RANBP9: variants seen among roughly 807,000 people sequenced by gnomAD.
The protein encoded by RANBP9 is ran-binding protein 9.
In RANBP9, 15 loss-of-function variants were observed where a neutral mutation model predicts 84.3. The observed-to-expected ratio is 0.18, with a 90% confidence interval of 0.12 to 0.27. The LOEUF (loss-of-function observed/expected upper bound fraction) is 0.27, where lower values mean the gene tolerates loss of function less well. RANBP9 is among the 10% of genes least tolerant of loss of function. The probability of loss-of-function intolerance (pLI) is 1.00; values close to 1 mark genes in which losing one functional copy is unlikely to be tolerated. For missense variants in RANBP9, 809 were observed against 912.8 expected, an observed-to-expected ratio of 0.89 and a Z score of 1.46; for synonymous variants, 392 against 349.6, an observed-to-expected ratio of 1.12 and a Z score of -1.35.
rs899344109 is a variant in RANBP9 at position 13,711,788 on chromosome 6, G to A, written c.-283C>T. Among the ~76,000 whole-genome samples, 3 of 146,820 alleles carry A rather than the reference G, an allele frequency of 2.0e-5. No individual in the cohort carries two copies. Among genetic ancestry groups the A allele is most frequent in the African/African-American group, 4.9e-5 (2 of 40,822 alleles). On this transcript the variant is annotated 5_prime_UTR_variant, in exon 1 of 14. Transcript: ENST00000011619. ...CGGGGGCGACGCGGGAGCGCGGGAG[G>A]GGAAGGCGCGCTGGCGGCCGCCGCG...
chr6:13,688,981 A>AC (rs1766261197), intron 2 of RANBP9, among the ~76,000 whole-genome samples: 3 of 139,382 alleles, frequency 2.2e-5, no homozygotes, highest in Admixed American at 7.3e-5. Flanking sequence ...ACCCATCTCC[A>AC]CAAAAAAAAA....
chr6:13,636,427 A>G (rs893123293), intron 10 of RANBP9, among the ~76,000 whole-genome samples: 1 of 152,188 alleles, frequency 6.6e-6, no homozygotes, highest in African/African-American at 2.4e-5. Context: ...ACTGCAGACA[A>G]AGGAGGATGT....
intron 2 of RANBP9, among the ~76,000 whole-genome samples, chr6:13,676,881 T>A (rs542259139): frequency 1.1e-4 from 16 of 152,010 alleles, no homozygotes; most frequent in Non-Finnish European, 2.2e-4. Flanking sequence ...ATAAAGAACA[T>A]CTACAAAAAA....
chr6:13,706,858 C>T (rs1428719850), intron 1 of RANBP9, among the ~76,000 whole-genome samples: 1 of 151,442 alleles, frequency 6.6e-6, no homozygotes, highest in Admixed American at 6.6e-5. Flanking sequence ...AAGAATTAGC[C>T]GGACGTGGTG....
chr6:13,627,795 A>C (rs1764658673), intron 12 of RANBP9, among the ~76,000 whole-genome samples: 1 of 152,168 alleles, frequency 6.6e-6, no homozygotes, highest in African/African-American at 2.4e-5. Context: ...GGTAAACAAA[A>C]ACTTCAAGTA....
At chr6:13,693,389 TA>T (rs538485823) in intron 2 of RANBP9, among the ~76,000 whole-genome samples, 3 of 151,118 alleles carry the variant, frequency 2.0e-5, no homozygotes, top group African/African-American at 2.4e-5. Context: ...GCTAAAAATT[TA>T]AAAAAAAATG....
chr6:13,643,905 ACCC>A (rs1410732074), intron 6 of RANBP9, among the ~76,000 whole-genome samples: 5 of 152,154 alleles, frequency 3.3e-5, no homozygotes, highest in Admixed American at 6.5e-5. Context: ...TCTAAAAAAT[ACCC>A]CCAACATTTT....
In RANBP9 at chr6:13,711,254, G is replaced by GGGCGGCGGGGCCGCGGTGGCCGGGGGC; in HGVS notation, c.225_251dup (p.Ala78_Pro86dup). The GGGCGGCGGGGCCGCGGTGGCCGGGGGC allele has an allele frequency of 1.0e-6, 1 of 971,770 alleles. No individual in the cohort carries two copies. The highest frequency in any genetic ancestry group is 1.2e-6 in the Non-Finnish European group (1 of 819,560). 60.2% of individuals were successfully genotyped at this position (971,770 alleles called of 1,614,324 possible). On this transcript the variant is annotated inframe_insertion, in exon 1 of 14. Transcript: ENST00000011619. The stretch of plus-strand genomic sequence containing the variant: ...CAGGGGGAGGCGGGGGCGGCGGCGG[G>GGGCGGCGGGGCCGCGGTGGCCGGGGGC]GGCGGCGGGGCCGCGGTGGCCGGGG...
intron 2 of RANBP9, among the ~76,000 whole-genome samples, chr6:13,683,216 A>G (rs1028621338): frequency 5.9e-5 from 9 of 152,238 alleles, no homozygotes; most frequent in African/African-American, 1.2e-4. Flanking sequence ...TCTAGGACCA[A>G]CAGATCATTT....
At position 13,711,184 on chromosome 6, in the gene RANBP9, G is replaced by A; in HGVS notation, c.322C>T (p.Leu108Phe). Residue 108 changes from leucine to phenylalanine, a missense_variant, in exon 1 of 14, where the codon CTT (leucine) becomes TTT (phenylalanine). By Grantham distance (22) the Leu-to-Phe change is conservative (BLOSUM62 0). Transcript: ENST00000011619. ...PASGPPAPPG[L>F]AAGPGPAGGA... Reference sequence around the variant, plus strand: ...CCAGCCGGGCCGGGGCCCGCTGCAAGGCCCGGGGGAGCGGGCGGCCCGCTG... The same window carrying A: ...CCAGCCGGGCCGGGGCCCGCTGCAAAGCCCGGGGGAGCGGGCGGCCCGCTG... 1.6e-6 allele frequency: 2 copies of A among 1,273,152 alleles called. No homozygotes were observed. Among genetic ancestry groups the A allele is most frequent in the Admixed American group, 4.3e-5 (1 of 23,512 alleles). The allele number at this position is 1,273,152 out of a possible 1,614,324, so 78.9% of individuals were successfully genotyped here.
At chr6:13,678,989 GAAACTT>G (rs766277230) in intron 2 of RANBP9, among the ~76,000 whole-genome samples, 1 of 152,040 alleles carries the variant, frequency 6.6e-6, no homozygotes, top group African/African-American at 2.4e-5. Context: ...ACTGAGGTAA[GAAACTT>G]AAAACTAAAG....
chr6:13,634,251 TCTA>T (rs1764875933), intron 11 of RANBP9, among the ~76,000 whole-genome samples, 177 bp downstream of exon 11: 1 of 152,204 alleles, frequency 6.6e-6, no homozygotes, highest in African/African-American at 2.4e-5. Context: ...GAAAGGTAAC[TCTA>T]CTTTCTCTAG....
chr6:13,630,258 G>A (rs554789064), intron 12 of RANBP9, among the ~76,000 whole-genome samples: 1 of 152,118 alleles, frequency 6.6e-6, no homozygotes, highest in East Asian at 1.9e-4. Flanking sequence ...AGTTAGAGGT[G>A]CAAAATCAAA....
intron 1 of RANBP9, among the ~76,000 whole-genome samples, chr6:13,706,566 G>A (rs1407922389): frequency 1.3e-5 from 2 of 151,400 alleles, no homozygotes; most frequent in Non-Finnish European, 1.5e-5. Flanking sequence ...GGTGGCGCAT[G>A]CCTGTATTCT....
At chr6:13,695,286 A>G (rs970177220) in intron 2 of RANBP9, among the ~76,000 whole-genome samples, 1 of 152,200 alleles carries the variant, frequency 6.6e-6, no homozygotes, top group Admixed American at 6.5e-5. Flanking sequence ...ATCTGAGAGT[A>G]ATTCAGCAGA....
intron 1 of RANBP9, among the ~76,000 whole-genome samples, chr6:13,709,292 C>CA (rs1330533651): frequency 6.6e-6 from 1 of 152,228 alleles, no homozygotes; most frequent in African/African-American, 2.4e-5. Context: ...ACACACCACT[C>CA]AGAGGAAGAA....
At chr6:13,672,418 CTTTT>C (rs1319207353) in intron 2 of RANBP9, among the ~76,000 whole-genome samples, 1 of 151,974 alleles carries the variant, frequency 6.6e-6, no homozygotes, top group Non-Finnish European at 1.5e-5. Context: ...AAGAAATAGA[CTTTT>C]TTTAATTAAT....
At chr6:13,634,259 C>A (rs540264632) in intron 11 of RANBP9, among the ~76,000 whole-genome samples, 172 bp downstream of exon 11, 2 of 152,326 alleles carry the variant, frequency 1.3e-5, no homozygotes, top group African/African-American at 4.8e-5. Context: ...ACTCTACTTT[C>A]TCTAGCAGCC....
At chr6:13,623,487 C>G in intron 13 of RANBP9, among the ~76,000 whole-genome samples, 1 of 152,190 alleles carries the variant, frequency 6.6e-6, no homozygotes, top group South Asian at 2.1e-4. Context: ...GAAGAGAAAA[C>G]AAAAACAGGA....
Sources: allele counts gnomAD v4.1 joint callset (sites outside exome capture counted in the v4.1 genomes callset), GRCh38; gene constraint gnomAD v4.1.1; transcripts MANE v1.5; gene names NCBI Gene and HGNC (gene_info 2026-07-23, HGNC 2026-07-21).